The following ANP32A variants were observed in gnomAD, a reference collection of about 807,000 sequenced individuals.
ANP32A encodes the protein acidic leucine-rich nuclear phosphoprotein 32 family member A.
In ANP32A, 1 loss-of-function variant was observed where a neutral mutation model predicts 33.9. That is an observed-to-expected ratio of 0.03 (90% CI 0.01 to 0.14). ANP32A has a LOEUF of 0.14. Among genes scored for constraint, ANP32A ranks in the 10% least tolerant of loss-of-function variants. The pLI is 1.00. For missense variants in ANP32A, 155 were observed against 306.0 expected (o/e 0.51, Z 3.68); for synonymous variants, 115 against 120.5 (o/e 0.95, Z 0.30).
intron 1 of ANP32A, among the ~76,000 whole-genome samples, chr15:68,797,405 C>A (rs1018940561): frequency 6.6e-5 from 10 of 152,168 alleles, no homozygotes; most frequent in African/African-American, 2.4e-4. Context: ...ACCCATGCAA[C>A]AGAAAAGCCA....
intron 3 of ANP32A, 42 bp from the exon 4 acceptor site, chr15:68,784,637 G>C: frequency 1.2e-5 from 19 of 1,603,816 alleles, no homozygotes; most frequent in Non-Finnish European, 1.6e-5. Context: ...TGATTTGTGG[G>C]AGGAAGGTGG....
At chr15:68,814,793 T>C (rs1202414099) in intron 1 of ANP32A, among the ~76,000 whole-genome samples, 1 of 146,198 alleles carries the variant, frequency 6.8e-6, no homozygotes, top group African/African-American at 2.8e-5. Context: ...TCCAGGATTA[T>C]CTGTCATTTT....
At position 68,779,946 on chromosome 15, in the gene ANP32A, CCT is replaced by C. The variant is rs1402335238; in HGVS notation, c.*133_*134del. 8.3e-6 allele frequency: 6 copies of C among 719,640 alleles called. No homozygotes were observed. Among genetic ancestry groups the C allele is most frequent in the Middle Eastern group, 4.1e-4 (1 of 2,422 alleles). The allele number at this position is 719,640 out of a possible 1,614,324, so 44.6% of individuals were successfully genotyped here. ...CCCGCAACCCCCAGTACACTCTTCC[CCT>C]CTCGTTCCCACAGCAACGTTACAAT... is the stretch of plus-strand genomic sequence containing the variant. On this transcript the variant is annotated 3_prime_UTR_variant, in exon 7 of 7. Transcript: ENST00000465139.
intron 1 of ANP32A, among the ~76,000 whole-genome samples, chr15:68,798,505 A>G (rs1894090847): frequency 6.6e-6 from 1 of 152,144 alleles, no homozygotes; most frequent in Non-Finnish European, 1.5e-5. Flanking sequence ...TTCCCTAGCA[A>G]TTGATGAAGC....
chr15:68,819,439 G>T (rs1894440096), intron 1 of ANP32A, among the ~76,000 whole-genome samples: 2 of 152,242 alleles, frequency 1.3e-5, no homozygotes, highest in South Asian at 4.1e-4. Flanking sequence ...TCCCACCCGT[G>T]TAAGTTTCCT....
chr15:68,797,366 G>A (rs1362844785), intron 1 of ANP32A, among the ~76,000 whole-genome samples: 2 of 152,144 alleles, frequency 1.3e-5, no homozygotes, highest in African/African-American at 2.4e-5. Flanking sequence ...GCCGTTCTTG[G>A]TGATCTTATT....
intron 1 of ANP32A, among the ~76,000 whole-genome samples, chr15:68,804,718 T>A (rs1596072197): frequency 6.6e-6 from 1 of 152,336 alleles, no homozygotes; most frequent in South Asian, 2.1e-4. Flanking sequence ...TTTCACCATG[T>A]TGGCCAGGAT....
chr15:68,805,615 T>C (rs908309577), intron 1 of ANP32A, among the ~76,000 whole-genome samples: 1 of 152,176 alleles, frequency 6.6e-6, no homozygotes, highest in African/African-American at 2.4e-5. Context: ...AATCATCCCA[T>C]GAATTCACAC....
chr15:68,786,092 G>A (rs10450991), intron 3 of ANP32A, among the ~76,000 whole-genome samples: 2,174 of 152,172 alleles, frequency 0.014, 60 homozygotes, highest in African/African-American at 0.05. Flanking sequence ...TCCATGGAGA[G>A]CAAGGAGTGC....
At chr15:68,809,367 A>G (rs970074565) in intron 1 of ANP32A, among the ~76,000 whole-genome samples, 1 of 152,264 alleles carries the variant, frequency 6.6e-6, no homozygotes, top group African/African-American at 2.4e-5. Flanking sequence ...TGAATTTAAA[A>G]TAAAACGAGC....
intron 1 of ANP32A, among the ~76,000 whole-genome samples, chr15:68,803,688 C>T (rs1894169827): frequency 6.6e-6 from 1 of 151,648 alleles, no homozygotes; most frequent in Non-Finnish European, 1.5e-5. Context: ...TGGAAAGTCG[C>T]TTTTACTAGG....
rs748984553 is a variant in ANP32A, at chr15:68,780,401, C to T, written c.688+9G>A. ...CTGCTACCAGCTGAGAGTAAAAAGG[C>T]TGCCATACCACCAAGCTCTTCTTCA... On this transcript the variant is annotated intron_variant, in intron 6 of 6. Transcript: ENST00000465139. This position sits in a 1 kb window ranked among gnomAD's most constrained non-coding sequence, Gnocchi z 4.3. 4 of 1,613,886 alleles carry T rather than the reference C, an allele frequency of 2.5e-6. No homozygotes were observed. In the Admixed American group the frequency reaches 5.0e-5, roughly 20 times the overall value.
At chr15:68,820,625 C>T (rs566183566) in intron 1 of ANP32A, 73 bp downstream of exon 1, 1 of 997,556 alleles carries the variant, frequency 1.0e-6, no homozygotes. Context: ...GTGCCTCCCC[C>T]CAGCGCGCAC....
At chr15:68,804,340 T>G (rs1894183400) in intron 1 of ANP32A, among the ~76,000 whole-genome samples, 1 of 152,172 alleles carries the variant, frequency 6.6e-6, no homozygotes, top group South Asian at 2.1e-4. Flanking sequence ...TGACCTTAGG[T>G]TGGTTACTTA....
intron 1 of ANP32A, among the ~76,000 whole-genome samples, chr15:68,804,734 C>T (rs1431802323): frequency 6.6e-6 from 1 of 152,088 alleles, no homozygotes; most frequent in Non-Finnish European, 1.5e-5. Flanking sequence ...AGGATGGTCT[C>T]GATCTCCTGG....
intron 1 of ANP32A, among the ~76,000 whole-genome samples, chr15:68,814,542 G>A (rs899806022): frequency 5.3e-5 from 8 of 152,124 alleles, no homozygotes; most frequent in African/African-American, 1.9e-4. Flanking sequence ...AGGAAAGAGG[G>A]AATTGGGGCT....
At chr15:68,794,518 A>T (rs1235545119) in intron 1 of ANP32A, among the ~76,000 whole-genome samples, 1 of 152,214 alleles carries the variant, frequency 6.6e-6, no homozygotes, top group Non-Finnish European at 1.5e-5. Flanking sequence ...GAGAAGACTC[A>T]TATCAAATTG....
Position 68,806,291 on chromosome 15 carries a change from C to T in ANP32A, c.54+14407G>A, listed in dbSNP as rs77757759. On this transcript the variant is annotated intron_variant, in intron 1 of 6. Coordinates refer to ENST00000465139, the MANE Select transcript of ANP32A (RefSeq NM_006305.4). ...ATGCACATCTTGCTGGAGTCTATGG[C>T]CACTGGTCAATCTCAGAGGCACATT... Among the ~76,000 whole-genome samples the T allele has an allele frequency of 3.8e-4, 58 of 152,268 alleles. No individual in the cohort carries two copies. In the East Asian group the frequency reaches 9.9e-3, roughly 26 times the overall value.
At chr15:68,801,220 A>AAGG (rs55893811) in intron 1 of ANP32A, among the ~76,000 whole-genome samples, 1 of 133,156 alleles carries the variant, frequency 7.5e-6, no homozygotes, top group South Asian at 2.5e-4. Flanking sequence ...GAAGAAGAAG[A>AAGG]AAAAAAAAAA....
Sources: allele counts gnomAD v4.1 joint callset (sites outside exome capture counted in the v4.1 genomes callset), GRCh38; gene constraint gnomAD v4.1.1; non-coding constraint Gnocchi (gnomAD v3.1); transcripts MANE v1.5; gene names NCBI Gene and HGNC (gene_info 2026-07-23, HGNC 2026-07-21).